AKAP7: variants seen among roughly 807,000 people sequenced by gnomAD.
The protein encoded by AKAP7 is A-kinase anchoring protein 7.
Under a neutral mutation model 39.5 loss-of-function variants are expected in AKAP7, and 39 were observed. The observed-to-expected ratio is 0.99, with a 90% confidence interval of 0.76 to 1.29. The LOEUF (loss-of-function observed/expected upper bound fraction) is 1.29. Ranked by LOEUF, AKAP7 falls within the 50% of genes most tolerant of loss-of-function variation. AKAP7 has a pLI of 0.00. For synonymous variants in AKAP7, 140 were observed against 139.1 expected (o/e 1.01, Z -0.05); for missense variants, 414 against 407.7 (o/e 1.02, Z -0.13).
rs1165317865 is a variant in AKAP7 at position 131,165,231 on chromosome 6, CT to C, written c.428+17del. 11 of 1,579,216 alleles carry C rather than the reference CT, an allele frequency of 7.0e-6. No individual in the cohort carries two copies. Among genetic ancestry groups the C allele is most frequent in the Non-Finnish European group, 1.7e-6 (2 of 1,161,406 alleles). ...TGAAGTAAACATGTGAGTAATGTATCTTTCTTAAATATAATTTTCCAAATTA... is the reference window on the plus strand; with the variant it reads ...TGAAGTAAACATGTGAGTAATGTATCTTCTTAAATATAATTTTCCAAATTA... On this transcript the variant is annotated intron_variant, in intron 4 of 7. Transcript: ENST00000431975.
chr6:131,182,008 C>T (rs989021441), intron 5 of AKAP7, among the ~76,000 whole-genome samples: 2 of 152,122 alleles, frequency 1.3e-5, no homozygotes, highest in Non-Finnish European at 2.9e-5. Context: ...TACCTGTGAT[C>T]TCACCTGCTC....
At chr6:131,239,175 T>G (rs1369321892) in intron 7 of AKAP7, among the ~76,000 whole-genome samples, 1 of 152,192 alleles carries the variant, frequency 6.6e-6, no homozygotes, top group African/African-American at 2.4e-5. Flanking sequence ...GAAGCTTAGT[T>G]TGGCTGGATA....
chr6:131,138,158 T>C (rs535957546), intron 1 of AKAP7, among the ~76,000 whole-genome samples: 38 of 152,266 alleles, frequency 2.5e-4, no homozygotes, highest in African/African-American at 8.4e-4. Context: ...TTCTATTCTC[T>C]ATCTCCATGA....
At chr6:131,221,565 G>A (rs938888831) in intron 7 of AKAP7, among the ~76,000 whole-genome samples, 4 of 152,198 alleles carry the variant, frequency 2.6e-5, no homozygotes, top group Non-Finnish European at 4.4e-5. Context: ...CATAGCTACA[G>A]AAGAGAAGTC....
intron 7 of AKAP7, among the ~76,000 whole-genome samples, chr6:131,231,505 T>C (rs1810618805): frequency 6.6e-6 from 1 of 152,198 alleles, no homozygotes; most frequent in Non-Finnish European, 1.5e-5. Context: ...GAGAACTGTA[T>C]ACTTTTTTTT....
intron 7 of AKAP7, among the ~76,000 whole-genome samples, chr6:131,242,648 C>T (rs4424112): frequency 0.28 from 42,096 of 151,880 alleles, 6,413 homozygotes; most frequent in Middle Eastern, 0.39. Context: ...CCATTTTCTT[C>T]GTTTTCACTG....
intron 7 of AKAP7, among the ~76,000 whole-genome samples, chr6:131,256,940 G>A (rs1812913859): frequency 6.7e-6 from 1 of 148,820 alleles, no homozygotes; most frequent in Admixed American, 7.3e-5. Flanking sequence ...CAGTGATGAT[G>A]ACAGCCCAAC....
intron 1 of AKAP7, chr6:131,137,817 C>G (rs1223512840): frequency 6.6e-6 from 1 of 152,038 alleles, no homozygotes; most frequent in Non-Finnish European, 1.5e-5. Context: ...AATTTTGAAA[C>G]GTTTGAATAG....
At chr6:131,250,191 C>T (rs1202968150) in intron 7 of AKAP7, 1 of 1,000,186 alleles carries the variant, frequency 1.0e-6, no homozygotes, top group Non-Finnish European at 1.2e-6. Context: ...AGAAAGGGCT[C>T]ATTGTGGTTT....
chr6:131,243,420 G>A (rs546766049), intron 7 of AKAP7, among the ~76,000 whole-genome samples: 24 of 152,216 alleles, frequency 1.6e-4, no homozygotes, highest in African/African-American at 3.6e-4. Context: ...ATGGCGTATC[G>A]GAGGCATGTC....
At chr6:131,275,228 C>T (rs1353531335) in intron 7 of AKAP7, among the ~76,000 whole-genome samples, 3 of 152,122 alleles carry the variant, frequency 2.0e-5, no homozygotes, top group Admixed American at 6.5e-5. Flanking sequence ...TTTTAGCATG[C>T]GATGTTTCAG....
intron 7 of AKAP7, among the ~76,000 whole-genome samples, chr6:131,265,932 T>C (rs1813762458): frequency 6.6e-6 from 1 of 152,222 alleles, no homozygotes; most frequent in Non-Finnish European, 1.5e-5. Flanking sequence ...TCCATAAATA[T>C]AATTGTCACA....
intron 2 of AKAP7, among the ~76,000 whole-genome samples, chr6:131,157,860 A>G (rs1271922442): frequency 6.6e-6 from 1 of 152,236 alleles, no homozygotes; most frequent in Non-Finnish European, 1.5e-5. Flanking sequence ...TAGTGATGAA[A>G]TAGATGCACG....
In AKAP7 at chr6:131,184,904, C is replaced by G. The variant is rs1805671779; in HGVS notation, c.590-14557C>G. On this transcript the variant is annotated intron_variant, in intron 5 of 7. Coordinates refer to ENST00000431975, the MANE Select transcript of AKAP7 (RefSeq NM_016377.4). ...TCCTGGTCCTCCAGGTTGGAAGCAT[C>G]CAGCTCCTTATGGGCACTGCCACAC... 2.9e-6 allele frequency: 3 copies of G among 1,033,302 alleles called. No homozygotes were observed. In the East Asian group the frequency reaches 7.1e-5, roughly 25 times the overall value. The allele number at this position is 1,033,302 out of a possible 1,614,324, so 64.0% of individuals were successfully genotyped here. A position where few individuals can be genotyped will look rare whatever the true frequency, so the allele number is the denominator to read the frequency against.
At chr6:131,242,151 T>TA in intron 7 of AKAP7, 1 of 985,006 alleles carries the variant, frequency 1.0e-6, no homozygotes, top group Non-Finnish European at 1.2e-6. Flanking sequence ...ATTGTGGTTC[T>TA]ATTTGATCTT....
intron 7 of AKAP7, among the ~76,000 whole-genome samples, chr6:131,278,973 T>G (rs895862428): frequency 6.6e-6 from 1 of 152,006 alleles, no homozygotes; most frequent in Non-Finnish European, 1.5e-5. Flanking sequence ...ACAGTGGAGG[T>G]GTGCAGTGGT....
At chr6:131,211,593 A>G (rs1295616193) in intron 6 of AKAP7, among the ~76,000 whole-genome samples, 1 of 150,596 alleles carries the variant, frequency 6.6e-6, no homozygotes, top group Non-Finnish European at 1.5e-5. Context: ...GTGAAACCCC[A>G]TCTCTACTAA....
Position 131,197,320 on chromosome 6 carries a change from G to A in AKAP7, c.590-2141G>A, listed in dbSNP as rs541563542. 2.0e-5 allele frequency among the ~76,000 whole-genome samples: 3 copies of A among 151,920 alleles called. No individual in the cohort carries two copies. In the South Asian group the frequency reaches 6.2e-4, roughly 32 times the overall value. On this transcript the variant is annotated intron_variant, in intron 5 of 7. Coordinates refer to ENST00000431975, the MANE Select transcript of AKAP7 (RefSeq NM_016377.4). ...CGTATACTGATGCTTTTATTTCTTC[G>A]TATTTTCCTAGAATTGGAATTGCTG...
At chr6:131,208,070 A>G (rs567095526) in intron 6 of AKAP7, among the ~76,000 whole-genome samples, 90 of 152,270 alleles carry the variant, frequency 5.9e-4, no homozygotes, top group Non-Finnish European at 1.1e-3. Flanking sequence ...GCTTTTTAAC[A>G]CTAAAAATTC....
Sources: gnomAD v4.1 joint callset for allele counts (sites outside exome capture counted in the v4.1 genomes callset) on GRCh38, gnomAD v4.1.1 for gene constraint, MANE v1.5 for transcripts, NCBI Gene and HGNC (gene_info 2026-07-23, HGNC 2026-07-21) for gene names.